TTC29: variants seen among roughly 807,000 people sequenced by gnomAD.
The protein encoded by TTC29 is tetratricopeptide repeat protein 29.
In TTC29, 49 loss-of-function variants were observed where a neutral mutation model predicts 58.1. That is an observed-to-expected ratio of 0.84 (90% confidence interval 0.67 to 1.07). The LOEUF (loss-of-function observed/expected upper bound fraction) is 1.07. TTC29 is among the 50% of genes least tolerant of loss of function. The pLI, the probability that TTC29 is intolerant of heterozygous loss-of-function variation, is 0.00. For missense variants in TTC29, 582 were observed against 555.6 expected, an observed-to-expected ratio of 1.05 and a Z score of -0.48; for synonymous variants, 209 against 196.8, an observed-to-expected ratio of 1.06 and a Z score of -0.52.
intron 8 of TTC29, among the ~76,000 whole-genome samples, chr4:146,862,823 A>G (rs1223901736): frequency 1.3e-5 from 2 of 152,176 alleles, no homozygotes; most frequent in East Asian, 3.9e-4. Flanking sequence ...ATTAAATAAC[A>G]AGAACCAACT....
At chr4:146,831,400 G>A (rs1380500608) in intron 9 of TTC29, among the ~76,000 whole-genome samples, 2 of 152,080 alleles carry the variant, frequency 1.3e-5, no homozygotes, top group East Asian at 3.9e-4. Context: ...TGCCTGGCCA[G>A]GAATTCCTAT....
At chr4:146,935,046 G>A (rs1199089753) in intron 4 of TTC29, among the ~76,000 whole-genome samples, 1 of 152,084 alleles carries the variant, frequency 6.6e-6, no homozygotes, top group Admixed American at 6.6e-5. Context: ...GAGTAGAAAT[G>A]AATACCAGTG....
chr4:146,855,561 T>C (rs1034021143), intron 8 of TTC29, among the ~76,000 whole-genome samples: 9 of 152,186 alleles, frequency 5.9e-5, no homozygotes, highest in Admixed American at 2.0e-4. Context: ...TTGAAATTAC[T>C]GGGTAAAAGA....
At position 146,728,858 on chromosome 4, in the gene TTC29, C is replaced by CATATATATGTATATAT. The variant is rs1344862897; in HGVS notation, c.1331-21308_1331-21307insATATATACATATATAT. On this transcript the variant is annotated intron_variant, in intron 11 of 12. Transcript: ENST00000325106. ...ATACACATATATATGTATATATATA[C>CATATATATGTATATAT]ACATATATATGTGTGTGTATATATA... is the stretch of plus-strand genomic sequence containing the variant. Among the ~76,000 whole-genome samples, 122 of 41,216 alleles carry CATATATATGTATATAT rather than the reference C, an allele frequency of 3.0e-3. 18 individuals carry two copies. Among genetic ancestry groups the CATATATATGTATATAT allele is most frequent in the African/African-American group, 6.6e-3 (114 of 17,246 alleles). 27.0% of individuals were successfully genotyped at this position (41,216 alleles called of 152,430 possible).
chr4:146,730,498 A>G (rs992394760), intron 11 of TTC29, among the ~76,000 whole-genome samples: 3 of 152,210 alleles, frequency 2.0e-5, no homozygotes, highest in South Asian at 2.1e-4. Context: ...TAATTAGAGA[A>G]TGAATGCAAA....
chr4:146,869,613 T>G (rs1277743835), intron 7 of TTC29, among the ~76,000 whole-genome samples: 1 of 152,112 alleles, frequency 6.6e-6, no homozygotes, highest in Non-Finnish European at 1.5e-5. Context: ...GTATGTGGTA[T>G]GTATTTTCTG....
chr4:146,807,652 A>C (rs550075624), intron 10 of TTC29, among the ~76,000 whole-genome samples: 1 of 152,320 alleles, frequency 6.6e-6, no homozygotes, highest in East Asian at 1.9e-4. Flanking sequence ...AAATGGATAA[A>C]TTCCTGGACA....
intron 11 of TTC29, among the ~76,000 whole-genome samples, chr4:146,781,231 C>T (rs1042996903): frequency 2.6e-5 from 4 of 151,878 alleles, no homozygotes; most frequent in East Asian, 1.9e-4. Context: ...GTAGAATAAT[C>T]GCTGGATTGA....
At chr4:146,929,663 T>C (rs1049258766) in intron 4 of TTC29, among the ~76,000 whole-genome samples, 16 of 152,108 alleles carry the variant, frequency 1.1e-4, no homozygotes, top group Admixed American at 8.5e-4. Context: ...TATACTGATG[T>C]TGGTTAATAT....
intron 9 of TTC29, among the ~76,000 whole-genome samples, chr4:146,829,224 C>T (rs1372808173): frequency 1.3e-5 from 2 of 152,178 alleles, no homozygotes; most frequent in Non-Finnish European, 2.9e-5. Flanking sequence ...AAGGTGATTC[C>T]AGTTTCCAAC....
chr4:146,905,880 T>C (rs1400204497), intron 5 of TTC29, among the ~76,000 whole-genome samples: 4 of 152,226 alleles, frequency 2.6e-5, no homozygotes, highest in Non-Finnish European at 5.9e-5. Flanking sequence ...TCAAGCTTAT[T>C]TGGCCAGAAA....
intron 11 of TTC29, among the ~76,000 whole-genome samples, chr4:146,800,429 G>GT (rs543258570): frequency 1.3e-4 from 20 of 151,998 alleles, no homozygotes; most frequent in Non-Finnish European, 2.2e-4. Context: ...TCTTTGATCT[G>GT]TTTTTTTTCT....
intron 9 of TTC29, among the ~76,000 whole-genome samples, chr4:146,821,985 G>GTTTTTTTTTTT (rs34100285): frequency 2.7e-5 from 3 of 109,596 alleles, no homozygotes; most frequent in Admixed American, 1.0e-4. Context: ...CATGTCTAGT[G>GTTTTTTTTTTT]TTTTTTTTTT....
chr4:146,929,260 A>G (rs1410791593), intron 4 of TTC29, among the ~76,000 whole-genome samples: 2 of 152,184 alleles, frequency 1.3e-5, no homozygotes, highest in African/African-American at 4.8e-5. Flanking sequence ...GAGTAAGGTC[A>G]ACAAAAAAAT....
intron 8 of TTC29, among the ~76,000 whole-genome samples, chr4:146,856,749 A>G (rs1027627117): frequency 2.6e-5 from 4 of 151,120 alleles, no homozygotes; most frequent in Non-Finnish European, 5.9e-5. Context: ...AAAATTAAAA[A>G]TGATTTAAAG....
chr4:146,843,366 CTT>C, intron 8 of TTC29, among the ~76,000 whole-genome samples: 1 of 152,292 alleles, frequency 6.6e-6, no homozygotes, highest in African/African-American at 2.4e-5. Flanking sequence ...AAACTACACT[CTT>C]AAACTGGGAA....
At chr4:146,880,661 A>G (rs867977385) in intron 6 of TTC29, among the ~76,000 whole-genome samples, 27 of 152,260 alleles carry the variant, frequency 1.8e-4, no homozygotes, top group African/African-American at 6.3e-4. Context: ...GATCTCTCCC[A>G]TTTTAGCTTT....
At chr4:146,886,331 C>T (rs141506622) in intron 6 of TTC29, among the ~76,000 whole-genome samples, 194 of 152,284 alleles carry the variant, frequency 1.3e-3, no homozygotes, top group African/African-American at 4.2e-3. Context: ...TCCGTCCAAT[C>T]CTGTCTCTTC....
intron 11 of TTC29, among the ~76,000 whole-genome samples, chr4:146,797,599 T>C (rs964864516): frequency 2.0e-5 from 3 of 151,072 alleles, no homozygotes; most frequent in African/African-American, 7.4e-5. Flanking sequence ...CAAAGATCTT[T>C]CTGGTTTTTT....
Sources: allele counts gnomAD v4.1 joint callset (sites outside exome capture counted in the v4.1 genomes callset), GRCh38; gene constraint gnomAD v4.1.1; transcripts MANE v1.5; gene names NCBI Gene and HGNC (gene_info 2026-07-23, HGNC 2026-07-21).